Variants in STK10 observed in about 807,000 individuals in gnomAD.
The protein encoded by STK10 is serine/threonine-protein kinase 10.
STK10 carries 78 observed loss-of-function variants against 113.8 expected under a neutral mutation model. That is an observed-to-expected ratio of 0.69 (90% confidence interval 0.57 to 0.83). The LOEUF (loss-of-function observed/expected upper bound fraction) is 0.83. Ranked by LOEUF, STK10 falls within the 40% of genes least tolerant of loss-of-function variation. The pLI, the probability that STK10 is intolerant of heterozygous loss-of-function variation, is 0.00. For synonymous variants in STK10, 465 were observed against 494.7 expected (o/e 0.94, Z 0.80); for missense variants, 1,109 against 1,280.1 (o/e 0.87, Z 2.04).
At chr5:172,115,927 G>A (rs963323049) in intron 4 of STK10, among the ~76,000 whole-genome samples, 2 of 152,200 alleles carry the variant, frequency 1.3e-5, no homozygotes, top group African/African-American at 4.8e-5. Flanking sequence ...CTTCCTGACT[G>A]GTCCACCTGC....
Position 172,053,033 on chromosome 5 carries a change from A to G in STK10, c.2662T>C (p.Cys888Arg). 1 of 1,614,028 alleles carries G rather than the reference A, an allele frequency of 6.2e-7. No homozygotes were observed. ...GTTTCGTGCTCTACCAGGAGGTGGC[A>G]CTTTTCATTCTGGAACAGATTCCAG... ...SELQQLQNEK[C>R]HLLVEHETQK... The change falls in exon 18 of 19, where the codon TGC becomes CGC. Residue 888 changes from cysteine (C) to arginine (R), a missense_variant. This residue lies in a region of STK10 where 885 missense variants were observed against 991.1 expected (regional missense o/e 0.89). Transcript: ENST00000176763.
intron 2 of STK10, among the ~76,000 whole-genome samples, chr5:172,127,729 C>T (rs997060084): frequency 5.9e-5 from 9 of 152,230 alleles, no homozygotes; most frequent in Admixed American, 2.0e-4. Context: ...CCTCCCTCCT[C>T]GCTCCCGCCT....
chr5:172,122,895 T>A (rs2113783691), intron 3 of STK10, among the ~76,000 whole-genome samples: 1 of 152,292 alleles, frequency 6.6e-6, no homozygotes, highest in South Asian at 2.1e-4. Context: ...AGTGCTGGGA[T>A]TACAGGCGTG....
intron 8 of STK10, among the ~76,000 whole-genome samples, chr5:172,095,313 G>A (rs1349160653): frequency 6.6e-6 from 1 of 152,138 alleles, no homozygotes; most frequent in Non-Finnish European, 1.5e-5. Flanking sequence ...CCCAGTCCCT[G>A]CCTGAAACCC....
At chr5:172,090,992 A>G (rs1768690598) in intron 9 of STK10, among the ~76,000 whole-genome samples, 1 of 144,392 alleles carries the variant, frequency 6.9e-6, no homozygotes, top group South Asian at 2.2e-4. Context: ...TCACTGCACC[A>G]CTTACTTGCT....
chr5:172,163,222 A>G (rs555189840), intron 1 of STK10, among the ~76,000 whole-genome samples: 1 of 152,306 alleles, frequency 6.6e-6, no homozygotes, highest in Admixed American at 6.5e-5. Context: ...GCCCTTAAAG[A>G]CAAATATTAT....
Position 172,093,481 on chromosome 5 carries a change from G to A in STK10, c.1485C>T (p.Ser495=). 1 of 1,614,216 alleles carries A rather than the reference G, an allele frequency of 6.2e-7. No homozygotes were observed. Among genetic ancestry groups the A allele is most frequent in the Non-Finnish European group, 8.5e-7 (1 of 1,180,022 alleles). Residue 495 remains serine, a synonymous_variant, in exon 9 of 19, where the codon AGC becomes AGT. Transcript: ENST00000176763. This position sits in a 1 kb window ranked among gnomAD's most constrained non-coding sequence, Gnocchi z 4.1. The part of the protein sequence containing the change: ...SDCSSLCTSE[S]MDYGTNLSTD... ...TGGAGAGATTGGTACCATAGTCCAT[G>A]CTCTCAGAGGTGCAGAGGCTGCTGC... is the stretch of plus-strand genomic sequence containing the variant.
chr5:172,176,933 G>A (rs775950983), intron 1 of STK10, among the ~76,000 whole-genome samples: 9 of 152,182 alleles, frequency 5.9e-5, no homozygotes, highest in Non-Finnish European at 1.3e-4. Context: ...CAGCACTCTG[G>A]GAGGCCGAGG....
In STK10 at chr5:172,082,644, T is replaced by C; in HGVS notation, c.1810-139A>G. On this transcript the variant is annotated intron_variant, in intron 11 of 18. Coordinates refer to ENST00000176763, the MANE Select transcript of STK10 (RefSeq NM_005990.4). The surrounding 1 kb of genome is among the most constrained non-coding windows in gnomAD (Gnocchi z 4.3). ...CCAGCTCTACTACCCCGTTGCTGTG[T>C]GACCTGGGGCAAGTTACTTAGCCTG... 8.7e-7 allele frequency: 1 copy of C among 1,151,444 alleles called. No individual in the cohort carries two copies. The highest frequency in any genetic ancestry group is 1.2e-6 in the Non-Finnish European group (1 of 839,898). The allele number at this position is 1,151,444 out of a possible 1,614,324, so 71.3% of individuals were successfully genotyped here. A position where few individuals can be genotyped will look rare whatever the true frequency, so the allele number is the denominator to read the frequency against.
In STK10 at chr5:172,044,550, G is replaced by A. The variant is rs1240062288; in HGVS notation, c.*332C>T. On this transcript the variant is annotated 3_prime_UTR_variant, in exon 19 of 19. Coordinates refer to ENST00000176763, the MANE Select transcript of STK10 (RefSeq NM_005990.4). The surrounding 1 kb of genome is among the most constrained non-coding windows in gnomAD (Gnocchi z 4.5). Reference sequence around the variant, plus strand: ...AAAACTGGTATTTTCGCAAACAGGAGAGGACTCGAGGCCACAGAACACCCA... The same window carrying A: ...AAAACTGGTATTTTCGCAAACAGGAAAGGACTCGAGGCCACAGAACACCCA... 1 of 357,866 alleles carries A rather than the reference G, an allele frequency of 2.8e-6. No homozygotes were observed. The highest frequency in any genetic ancestry group is 5.3e-6 in the Non-Finnish European group (1 of 190,160). 22.2% of individuals were successfully genotyped at this position (357,866 alleles called of 1,614,324 possible). A position where few individuals can be genotyped will look rare whatever the true frequency, so the allele number is the denominator to read the frequency against.
chr5:172,148,141 A>T (rs1483994571), intron 2 of STK10, among the ~76,000 whole-genome samples: 3 of 152,088 alleles, frequency 2.0e-5, no homozygotes, highest in East Asian at 3.9e-4. Context: ...CCCTGGACAC[A>T]CTGTGGTGAT....
At chr5:172,140,329 G>A (rs967040962) in intron 2 of STK10, among the ~76,000 whole-genome samples, 1 of 152,236 alleles carries the variant, frequency 6.6e-6, no homozygotes, top group East Asian at 1.9e-4. Flanking sequence ...GGGAGCACTT[G>A]CACACTGTTG....
chr5:172,066,921 A>G (rs913373840), intron 12 of STK10, among the ~76,000 whole-genome samples: 5 of 152,246 alleles, frequency 3.3e-5, no homozygotes, highest in Non-Finnish European at 5.9e-5. Flanking sequence ...CAAAGACCCA[A>G]CTAAACTAAC....
intron 1 of STK10, among the ~76,000 whole-genome samples, chr5:172,160,611 C>A (rs564977434): frequency 1.3e-5 from 2 of 152,308 alleles, no homozygotes; most frequent in South Asian, 4.1e-4. Context: ...TGGCACCTTC[C>A]TAAGGATAAT....
intron 1 of STK10, among the ~76,000 whole-genome samples, chr5:172,167,351 G>T (rs1272081200): frequency 1.3e-5 from 2 of 152,122 alleles, no homozygotes; most frequent in African/African-American, 4.8e-5. Context: ...AAATCCTTAA[G>T]CCATAATAGT....
chr5:172,101,130 G>A lies in STK10; in HGVS notation c.870+4526C>T, dbSNP rs78153222. On this transcript the variant is annotated intron_variant, in intron 7 of 18. Transcript: ENST00000176763. Reference sequence around the variant, plus strand: ...TGACATTTGCTAAGTATTTATAATCGTACCTGGCATGAACAAAGGGTTATG... The same window carrying A: ...TGACATTTGCTAAGTATTTATAATCATACCTGGCATGAACAAAGGGTTATG... 1.8e-3 allele frequency among the ~76,000 whole-genome samples: 277 copies of A among 152,230 alleles called. 1 individual carries two copies. Among genetic ancestry groups the A allele is most frequent in the African/African-American group, 6.5e-3 (269 of 41,528 alleles).
chr5:172,046,475 T>C (rs979460419), intron 18 of STK10, among the ~76,000 whole-genome samples: 2 of 152,162 alleles, frequency 1.3e-5, no homozygotes, highest in African/African-American at 2.4e-5. Flanking sequence ...ATACCAACAA[T>C]TTAATAATAA....
intron 2 of STK10, among the ~76,000 whole-genome samples, chr5:172,150,654 A>C (rs1334822678): frequency 6.6e-6 from 1 of 152,114 alleles, no homozygotes; most frequent in East Asian, 1.9e-4. Flanking sequence ...ATCTCTGTCA[A>C]TGACCAAGGG....
intron 10 of STK10, among the ~76,000 whole-genome samples, chr5:172,088,248 G>A (rs62381962): frequency 9.9e-5 from 15 of 152,216 alleles, no homozygotes; most frequent in African/African-American, 2.6e-4. Flanking sequence ...GTATTAGGCC[G>A]GGCGCGGTGG....
Sources: allele counts gnomAD v4.1 joint callset (sites outside exome capture counted in the v4.1 genomes callset), GRCh38; gene constraint gnomAD v4.1.1; regional missense constraint gnomAD v4.1.1; non-coding constraint Gnocchi (gnomAD v3.1); transcripts MANE v1.5; gene names NCBI Gene and HGNC (gene_info 2026-07-23, HGNC 2026-07-21).